Variants in COPG2 observed in about 807,000 individuals in gnomAD.
COPG2 encodes the protein coatomer subunit gamma-2.
A neutral mutation model predicts 46.3 loss-of-function variants in COPG2; 37 were observed. That is an observed-to-expected ratio of 0.80 (90% CI 0.61 to 1.05). The LOEUF is 1.05. Among genes scored for constraint, COPG2 ranks in the 50% least tolerant of loss-of-function variants. The probability of loss-of-function intolerance (pLI) is 0.00; values close to 1 mark genes in which losing one functional copy is unlikely to be tolerated. For synonymous variants in COPG2, 159 were observed against 129.7 expected (o/e 1.23, Z -1.53); for missense variants, 427 against 387.8 (o/e 1.10, Z -0.85).
At chr7:130,638,529 C>A (rs545331265) in intron 5 of COPG2, among the ~76,000 whole-genome samples, 2 of 152,082 alleles carry the variant, frequency 1.3e-5, no homozygotes, top group African/African-American at 4.8e-5. Flanking sequence ...ATACTGTGAG[C>A]GGAAAACCAC....
chr7:130,662,684 T>C (rs184470980), intron 4 of COPG2, among the ~76,000 whole-genome samples: 1 of 152,376 alleles, frequency 6.6e-6, no homozygotes, highest in African/African-American at 2.4e-5. Context: ...GTGGTAGCTA[T>C]GTGCACTGAC....
intron 9 of COPG2, among the ~76,000 whole-genome samples, chr7:130,564,994 G>A (rs1793779570): frequency 6.6e-6 from 1 of 152,226 alleles, no homozygotes; most frequent in South Asian, 2.1e-4. Context: ...AATTTTAGCA[G>A]GGGCAAACAA....
intron 20 of COPG2, among the ~76,000 whole-genome samples, chr7:130,538,277 T>C (rs1584966775): frequency 6.6e-6 from 1 of 151,426 alleles, no homozygotes; most frequent in East Asian, 1.9e-4. Flanking sequence ...GACATTGGAG[T>C]GGAGCAGCCA....
At chr7:130,617,115 T>C (rs782379971) in intron 5 of COPG2, 50 bp from the exon 6 acceptor site, 2 of 1,206,248 alleles carry the variant, frequency 1.7e-6, no homozygotes, top group South Asian at 2.6e-5. Context: ...ATCTCTCCCA[T>C]GGAGTTCACC....
At chr7:130,620,295 T>C (rs908149711) in intron 5 of COPG2, among the ~76,000 whole-genome samples, 15 of 152,088 alleles carry the variant, frequency 9.9e-5, no homozygotes, top group African/African-American at 3.6e-4. Flanking sequence ...CAAAGACTCC[T>C]GCCCTCAACA....
In COPG2 at chr7:130,537,305, C is replaced by T. The variant is rs992414836; in HGVS notation, c.2149+10369G>A. Among the ~76,000 whole-genome samples, 5 of 150,186 alleles carry T rather than the reference C, an allele frequency of 3.3e-5. No homozygotes were observed. The East Asian group carries it at 5.9e-4, about 18-fold the overall frequency. On this transcript the variant is annotated intron_variant, in intron 20 of 23. Transcript: ENST00000425248. The stretch of plus-strand genomic sequence containing the variant: ...GGACTCATAGCCTGGGCCACTGGGA[C>T]GTGAGCTTGGACAGCAGAGCGTGTG...
intron 4 of COPG2, among the ~76,000 whole-genome samples, chr7:130,659,288 A>G (rs1430204274): frequency 3.6e-5 from 5 of 138,230 alleles, no homozygotes; most frequent in Non-Finnish European, 7.7e-5. Context: ...CTGGGAGGCA[A>G]AGGTTGCAGT....
chr7:130,585,907 T>C (rs1554447909), intron 9 of COPG2, among the ~76,000 whole-genome samples: 3 of 152,054 alleles, frequency 2.0e-5, no homozygotes, highest in African/African-American at 7.2e-5. Context: ...AAAAACAGTG[T>C]GGAGATTCCT....
intron 9 of COPG2, among the ~76,000 whole-genome samples, chr7:130,574,357 G>A (rs564874453): frequency 6.6e-6 from 1 of 152,314 alleles, no homozygotes; most frequent in East Asian, 1.9e-4. Flanking sequence ...GAGATCAGGA[G>A]TTCACATCAC....
Position 130,506,595 on chromosome 7 carries a change from G to C in COPG2, c.*81C>G, listed in dbSNP as rs572304750. The C allele has an allele frequency of 5.6e-4, 310 of 556,062 alleles. 1 individual carries two copies. Among genetic ancestry groups the C allele is most frequent in the Middle Eastern group, 2.9e-3 (10 of 3,392 alleles). 34.4% of individuals were successfully genotyped at this position (556,062 alleles called of 1,614,324 possible). ...CAAAGTCATTCATCTTCAAAAGTCT[G>C]ATTCTGGGAAACTGATGCCACTAGC... On this transcript the variant is annotated 3_prime_UTR_variant, in exon 24 of 24. Transcript: ENST00000425248.
chr7:130,602,546 C>G (rs1396266491), intron 9 of COPG2, among the ~76,000 whole-genome samples: 27 of 152,082 alleles, frequency 1.8e-4, no homozygotes, highest in Admixed American at 1.6e-3. Context: ...AGTCTCAGGT[C>G]ACTGCAACCT....
chr7:130,663,026 CAA>C lies in COPG2; in HGVS notation c.182_183del (p.Phe61TrpfsTer19). 1 of 1,539,426 alleles carries C rather than the reference CAA, an allele frequency of 6.5e-7. No individual in the cohort carries two copies. ...AAGGCTTCTGTAGCTTCCGTTGTTC[CAA>C]AGTGTTCACCCTAAGTAAAATTTAA... is the stretch of plus-strand genomic sequence containing the variant. Reference protein sequence around the residue: ...ILYLLNQGEHFGTTEATEAFF... With the variant: ...ILYLLNQGEHXGTTEATEAFF... On this transcript the variant is annotated frameshift_variant, in exon 4 of 24. Transcript: ENST00000425248. LOFTEE classifies it high-confidence loss of function.
intron 22 of COPG2, 24 bp from the exon 23 acceptor site, chr7:130,507,396 C>G (rs1799514359): frequency 2.6e-6 from 2 of 780,178 alleles, no homozygotes; most frequent in South Asian, 2.7e-5. Context: ...ATGTATGAGA[C>G]AGTATTAGGA....
At chr7:130,548,361 G>A (rs1168199234) in intron 19 of COPG2, 42 bp downstream of exon 19, 1 of 398,268 alleles carries the variant, frequency 2.5e-6, no homozygotes, top group East Asian at 3.6e-5. Flanking sequence ...AAGCATACCA[G>A]TTTATACTAA....
chr7:130,646,244 A>G (rs1230471081), intron 5 of COPG2, among the ~76,000 whole-genome samples: 3 of 152,228 alleles, frequency 2.0e-5, no homozygotes, highest in Admixed American at 2.0e-4. Context: ...GCTGTTAATC[A>G]TCAGTTTTAC....
At chr7:130,514,497 A>G (rs1033628753) in intron 20 of COPG2, among the ~76,000 whole-genome samples, 11 of 152,224 alleles carry the variant, frequency 7.2e-5, no homozygotes, top group African/African-American at 1.4e-4. Context: ...AAGATTTTCT[A>G]CAGATGAGAG....
chr7:130,517,298 T>A (rs1197414765), intron 20 of COPG2, among the ~76,000 whole-genome samples: 1 of 151,924 alleles, frequency 6.6e-6, no homozygotes, highest in African/African-American at 2.4e-5. Context: ...CTAGATGGAG[T>A]GGCAACTAGG....
Position 130,522,906 on chromosome 7 carries a change from T to A in COPG2, c.2150-14247A>T, listed in dbSNP as rs1799736184. ...GCCAAGGTGGGTGGATCGCTTGAGGTCAGGAGTTCGAGACCAGCCTGGCCA... is the reference window on the plus strand; with the variant it reads ...GCCAAGGTGGGTGGATCGCTTGAGGACAGGAGTTCGAGACCAGCCTGGCCA... On this transcript the variant is annotated intron_variant, in intron 20 of 23. Coordinates refer to ENST00000425248, the MANE Select transcript of COPG2 (RefSeq NM_012133.6). 2.0e-5 allele frequency among the ~76,000 whole-genome samples: 3 copies of A among 148,804 alleles called. No homozygotes were observed. The South Asian group carries it at 6.4e-4, about 32-fold the overall frequency.
At chr7:130,576,097 G>C (rs782401720) in intron 9 of COPG2, among the ~76,000 whole-genome samples, 28 of 152,116 alleles carry the variant, frequency 1.8e-4, no homozygotes, top group Non-Finnish European at 3.5e-4. Context: ...TAAGAAATGA[G>C]ATAGATGGCA....
Sources: gnomAD v4.1 joint callset for allele counts (sites outside exome capture counted in the v4.1 genomes callset) on GRCh38, gnomAD v4.1.1 for gene constraint, MANE v1.5 for transcripts, NCBI Gene and HGNC (gene_info 2026-07-23, HGNC 2026-07-21) for gene names.